The following PTPRN2 variants were observed in gnomAD, a reference collection of about 807,000 sequenced individuals.
PTPRN2 encodes the protein receptor-type tyrosine-protein phosphatase N2.
In PTPRN2, 74 loss-of-function variants were observed where a neutral mutation model predicts 118.8. That is an observed-to-expected ratio of 0.62 (90% CI 0.52 to 0.76). The LOEUF (loss-of-function observed/expected upper bound fraction) is 0.76. Among genes scored for constraint, PTPRN2 ranks in the 30% least tolerant of loss-of-function variants. The pLI is 0.00. For synonymous variants in PTPRN2, 641 were observed against 608.0 expected, an observed-to-expected ratio of 1.05 and a Z score of -0.80; for missense variants, 1,481 against 1,394.4, an observed-to-expected ratio of 1.06 and a Z score of -0.99.
chr7:158,366,682 A>G (rs1034625047), intron 2 of PTPRN2, among the ~76,000 whole-genome samples: 1 of 151,742 alleles, frequency 6.6e-6, no homozygotes, highest in Admixed American at 6.6e-5. Context: ...CTTCTGCCAC[A>G]TTTGCTGGGA....
At chr7:157,962,479 C>T (rs1801611633) in intron 11 of PTPRN2, among the ~76,000 whole-genome samples, 1 of 152,248 alleles carries the variant, frequency 6.6e-6, no homozygotes, top group Admixed American at 6.5e-5. Flanking sequence ...TATTAGAGGA[C>T]ACCCTGATCC....
rs537086064 is a variant in PTPRN2 at position 157,670,514 on chromosome 7, T to C, written c.2001+12211A>G. ...CGGCTTCTGTGATGGTCTTTAATGC[T>C]TCCATAAAGGTGGCATCTTAGATGT... is the stretch of plus-strand genomic sequence containing the variant. On this transcript the variant is annotated intron_variant, in intron 13 of 22. Transcript: ENST00000389418. 2.5e-4 allele frequency among the ~76,000 whole-genome samples: 38 copies of C among 152,308 alleles called. 1 individual carries two copies. The Middle Eastern group carries it at 0.014, about 55-fold the overall frequency.
At chr7:158,074,167 C>T (rs917605239) in intron 11 of PTPRN2, among the ~76,000 whole-genome samples, 1 of 152,178 alleles carries the variant, frequency 6.6e-6, no homozygotes, top group African/African-American at 2.4e-5. Context: ...ACCGTCACAC[C>T]GTCAGCAAAA....
At chr7:158,382,698 T>G (rs1811055850) in intron 2 of PTPRN2, among the ~76,000 whole-genome samples, 1 of 152,112 alleles carries the variant, frequency 6.6e-6, no homozygotes, top group African/African-American at 2.4e-5. Context: ...GGACAGAAGC[T>G]GCACACTCTG....
intron 11 of PTPRN2, among the ~76,000 whole-genome samples, chr7:158,034,167 T>C (rs7455815): frequency 0.33 from 47,902 of 145,844 alleles, 7,800 homozygotes; most frequent in African/African-American, 0.4. Context: ...CTCTGAGGCC[T>C]GGGTGAGCGT....
chr7:157,861,059 G>C lies in PTPRN2; in HGVS notation c.1788+37614C>G, dbSNP rs918321229. Among the ~76,000 whole-genome samples the C allele has an allele frequency of 6.6e-6, 1 of 152,168 alleles. No individual in the cohort carries two copies. Among genetic ancestry groups the C allele is most frequent in the Non-Finnish European group, 1.5e-5 (1 of 68,026 alleles). On this transcript the variant is annotated intron_variant, in intron 12 of 22. Coordinates refer to ENST00000389418, the MANE Select transcript of PTPRN2 (RefSeq NM_002847.5). This position sits in a 1 kb window ranked among gnomAD's most constrained non-coding sequence, Gnocchi z 5.8. ...GGCAGGGTGACCTTCTCTTTCTTGT[G>C]GGGGTTGGAAGAGGAACCCCACGGC...
intron 1 of PTPRN2, among the ~76,000 whole-genome samples, chr7:158,524,721 G>A (rs1266364797): frequency 6.6e-6 from 1 of 152,164 alleles, no homozygotes; most frequent in Non-Finnish European, 1.5e-5. Flanking sequence ...CCTCAGCATG[G>A]AGTGGGGATT....
At chr7:158,541,761 G>A (rs928053153) in intron 1 of PTPRN2, 11 of 1,192,284 alleles carry the variant, frequency 9.2e-6, no homozygotes, top group Middle Eastern at 3.8e-4. Flanking sequence ...AAAGGGCTGC[G>A]GACGCATAAA....
Position 158,258,681 on chromosome 7 carries a change from T to C in PTPRN2, c.278-53408A>G, listed in dbSNP as rs141626690. On this transcript the variant is annotated intron_variant, in intron 3 of 22. Transcript: ENST00000389418. ...CTGAAGCCTTTCCTGGAAGGTGGAT[T>C]CTCTTGCTTTTTCAGCAACCACCAG... is the stretch of plus-strand genomic sequence containing the variant. Among the ~76,000 whole-genome samples, 72 of 152,290 alleles carry C rather than the reference T, an allele frequency of 4.7e-4. No individual in the cohort carries two copies. In the East Asian group the frequency reaches 0.013, roughly 28 times the overall value.
At chr7:157,982,263 ATAGAG>A (rs1803290400) in intron 11 of PTPRN2, among the ~76,000 whole-genome samples, 1 of 58,442 alleles carries the variant, frequency 1.7e-5, no homozygotes, top group South Asian at 5.6e-4. Context: ...ACCCCGAGTC[ATAGAG>A]CCAAGGAGGG....
chr7:157,644,495 C>A (rs1214753312), intron 14 of PTPRN2, among the ~76,000 whole-genome samples: 1 of 152,192 alleles, frequency 6.6e-6, no homozygotes, highest in South Asian at 2.1e-4. Flanking sequence ...ATTCTTGCTT[C>A]ATCAATTAAA....
chr7:158,321,186 ACCG>A (rs1443707803), intron 2 of PTPRN2, among the ~76,000 whole-genome samples: 3 of 152,052 alleles, frequency 2.0e-5, no homozygotes, highest in African/African-American at 7.2e-5. Context: ...GCTGAGCTCC[ACCG>A]TCTCAGACGT....
chr7:158,094,608 C>T (rs956511155), intron 10 of PTPRN2, among the ~76,000 whole-genome samples: 15 of 152,174 alleles, frequency 9.9e-5, no homozygotes, highest in Non-Finnish European at 1.5e-5. Flanking sequence ...CTCCCGGCCC[C>T]CATCTGTGCT....
intron 15 of PTPRN2, among the ~76,000 whole-genome samples, chr7:157,607,254 A>C (rs536215076): frequency 6.6e-6 from 1 of 152,346 alleles, no homozygotes; most frequent in East Asian, 1.9e-4. Context: ...CCAGAAACCC[A>C]GTTTCACAGT....
In PTPRN2 at chr7:158,546,920, G is replaced by A. The variant is rs1826323682; in HGVS notation, c.112+40638C>T. Among the ~76,000 whole-genome samples, 1 of 152,174 alleles carries A rather than the reference G, an allele frequency of 6.6e-6. No homozygotes were observed. Among genetic ancestry groups the A allele is most frequent in the Admixed American group, 6.5e-5 (1 of 15,284 alleles). On this transcript the variant is annotated intron_variant, in intron 1 of 22. Coordinates refer to ENST00000389418, the MANE Select transcript of PTPRN2 (RefSeq NM_002847.5). This position sits in a 1 kb window ranked among gnomAD's most constrained non-coding sequence, Gnocchi z 5.0. ...CAGCCTGGGCACCTGGGGCAGGGCT[G>A]GGGGACAGCCCAGCCATCTTCAGGG...
intron 3 of PTPRN2, among the ~76,000 whole-genome samples, chr7:158,314,933 T>C (rs1802178079): frequency 7.0e-6 from 1 of 142,270 alleles, no homozygotes; most frequent in Non-Finnish European, 1.5e-5. Context: ...AGGACAGAGG[T>C]GAACCCGGGA....
At position 158,361,042 on chromosome 7, in the gene PTPRN2, C is replaced by T. The variant is rs372233150; in HGVS notation, c.164-44110G>A. 5.5e-5 allele frequency among the ~76,000 whole-genome samples: 4 copies of T among 73,016 alleles called. No individual in the cohort carries two copies. In the East Asian group the frequency reaches 1.4e-3, roughly 26 times the overall value. 47.9% of individuals were successfully genotyped at this position (73,016 alleles called of 152,430 possible). On this transcript the variant is annotated intron_variant, in intron 2 of 22. Coordinates refer to ENST00000389418, the MANE Select transcript of PTPRN2 (RefSeq NM_002847.5). ...CCACATCCACCCTCACCCAGGACGA[C>T]GCACAGACCCCACATCCACCCACAC...
chr7:158,230,136 A>G (rs1408914549), intron 3 of PTPRN2, among the ~76,000 whole-genome samples: 1 of 152,204 alleles, frequency 6.6e-6, no homozygotes, highest in Non-Finnish European at 1.5e-5. Flanking sequence ...CCTGTCACCC[A>G]AGAATACTAT....
intron 12 of PTPRN2, among the ~76,000 whole-genome samples, chr7:157,789,273 C>T (rs566942847): frequency 2.0e-5 from 3 of 152,322 alleles, no homozygotes; most frequent in South Asian, 2.1e-4. Flanking sequence ...TCCGCTCCCT[C>T]GAGAAGCTCC....
Sources: allele counts gnomAD v4.1 joint callset (sites outside exome capture counted in the v4.1 genomes callset), GRCh38; gene constraint gnomAD v4.1.1; non-coding constraint Gnocchi (gnomAD v3.1); transcripts MANE v1.5; gene names NCBI Gene and HGNC (gene_info 2026-07-23, HGNC 2026-07-21).